The following ZNF521 variants were observed in gnomAD, a reference collection of about 807,000 sequenced individuals.
The protein encoded by ZNF521 is LYST-interacting protein 3.
In ZNF521, 14 loss-of-function variants were observed where a neutral mutation model predicts 105.5. The observed-to-expected ratio is 0.13, with a 90% CI of 0.09 to 0.21. The LOEUF is 0.21. Ranked by LOEUF, ZNF521 falls within the 10% of genes least tolerant of loss-of-function variation. ZNF521 has a pLI of 1.00. For missense variants in ZNF521, 1,233 were observed against 1,629.7 expected, an observed-to-expected ratio of 0.76 and a Z score of 4.19; for synonymous variants, 635 against 606.0, an observed-to-expected ratio of 1.05 and a Z score of -0.70.
chr18:25,142,162 TA>T (rs1458311389), intron 5 of ZNF521, among the ~76,000 whole-genome samples: 3 of 151,638 alleles, frequency 2.0e-5, no homozygotes, highest in African/African-American at 7.3e-5. Context: ...AGCAGTAGAG[TA>T]GTCACAGAAG....
chr18:25,068,683 T>C (rs1337507835), intron 7 of ZNF521, among the ~76,000 whole-genome samples: 3 of 152,122 alleles, frequency 2.0e-5, no homozygotes, highest in Non-Finnish European at 4.4e-5. Context: ...AAGCTTTCTT[T>C]AAATGTGTCT....
chr18:25,177,941 TC>T (rs770338316), intron 5 of ZNF521, among the ~76,000 whole-genome samples: 3 of 152,198 alleles, frequency 2.0e-5, no homozygotes, highest in East Asian at 1.9e-4. Context: ...ATGTTTCAAT[TC>T]CCTTTGCCTA....
chr18:25,091,682 T>C (rs138653947), intron 6 of ZNF521, among the ~76,000 whole-genome samples: 14 of 152,180 alleles, frequency 9.2e-5, no homozygotes, highest in Non-Finnish European at 1.8e-4. Flanking sequence ...ACACAACATG[T>C]ATGTAGTTTT....
chr18:25,129,743 C>A (rs1164423957), intron 5 of ZNF521, among the ~76,000 whole-genome samples: 1 of 151,978 alleles, frequency 6.6e-6, no homozygotes, highest in African/African-American at 2.4e-5. Context: ...AGATGCTCTG[C>A]ATCATGTGTC....
intron 7 of ZNF521, among the ~76,000 whole-genome samples, chr18:25,075,881 C>T (rs1438122289): frequency 1.3e-5 from 2 of 152,230 alleles, no homozygotes; most frequent in East Asian, 3.9e-4. Context: ...AAAATTACTT[C>T]AGGCTAGATT....
chr18:25,296,914 G>A (rs1227694265), intron 3 of ZNF521, among the ~76,000 whole-genome samples: 1 of 152,048 alleles, frequency 6.6e-6, no homozygotes, highest in Non-Finnish European at 1.5e-5. Context: ...GAAATAAATA[G>A]TGCCTGGTAC....
intron 5 of ZNF521, 79 bp downstream of exon 5, chr18:25,195,081 C>T (rs2035880621): frequency 9.1e-6 from 10 of 1,100,370 alleles, no homozygotes; most frequent in African/African-American, 1.6e-5. Context: ...ACAATTAATT[C>T]ATCTTTAACT....
At chr18:25,250,141 G>T (rs532834318) in intron 3 of ZNF521, among the ~76,000 whole-genome samples, 15 of 152,030 alleles carry the variant, frequency 9.9e-5, no homozygotes, top group Admixed American at 9.8e-4. Context: ...GGGTTTCATC[G>T]TATTAGCCAG....
chr18:25,087,311 A>T (rs573692674), intron 7 of ZNF521, among the ~76,000 whole-genome samples: 1 of 152,314 alleles, frequency 6.6e-6, no homozygotes, highest in Non-Finnish European at 1.5e-5. Flanking sequence ...TCATAAAGGA[A>T]ACCTGGAATC....
chr18:25,156,300 G>C (rs746066445), intron 5 of ZNF521, among the ~76,000 whole-genome samples: 6 of 152,184 alleles, frequency 3.9e-5, no homozygotes, highest in African/African-American at 1.4e-4. Context: ...GCCAAATTGA[G>C]AGTCCAGTTC....
intron 5 of ZNF521, among the ~76,000 whole-genome samples, chr18:25,164,515 A>C (rs1292668027): frequency 1.3e-5 from 2 of 152,246 alleles, no homozygotes; most frequent in Non-Finnish European, 2.9e-5. Context: ...TAGGAAGATC[A>C]AAGTAGTCCT....
chr18:25,284,772 A>C (rs1474919341), intron 3 of ZNF521, among the ~76,000 whole-genome samples: 3 of 152,208 alleles, frequency 2.0e-5, no homozygotes, highest in African/African-American at 2.4e-5. Flanking sequence ...TGGGAGTATA[A>C]AAAAAGAAAC....
At chr18:25,292,947 C>G (rs1057510680) in intron 3 of ZNF521, among the ~76,000 whole-genome samples, 2 of 152,198 alleles carry the variant, frequency 1.3e-5, no homozygotes, top group African/African-American at 4.8e-5. Context: ...TCTCCTCATA[C>G]TGTAGGAAGC....
intron 5 of ZNF521, among the ~76,000 whole-genome samples, chr18:25,129,354 T>C (rs932038089): frequency 1.3e-5 from 2 of 151,072 alleles, no homozygotes; most frequent in Non-Finnish European, 3.0e-5. Flanking sequence ...AGATGGATCA[T>C]AGACTAAATG....
intron 5 of ZNF521, among the ~76,000 whole-genome samples, chr18:25,156,230 AC>A (rs1443537969): frequency 6.6e-6 from 1 of 152,186 alleles, no homozygotes; most frequent in African/African-American, 2.4e-5. Context: ...TTAAATACAG[AC>A]AATTTTAAAA....
At chr18:25,177,796 G>A (rs2035559575) in intron 5 of ZNF521, among the ~76,000 whole-genome samples, 1 of 152,128 alleles carries the variant, frequency 6.6e-6, no homozygotes, top group South Asian at 2.1e-4. Flanking sequence ...CTTTCTACCA[G>A]CACCAATGAA....
intron 3 of ZNF521, among the ~76,000 whole-genome samples, chr18:25,229,966 A>C (rs935650929): frequency 6.6e-6 from 1 of 152,182 alleles, no homozygotes; most frequent in Non-Finnish European, 1.5e-5. Context: ...CCATTATAAA[A>C]ATTATGCAAT....
At chr18:25,341,124 T>A (rs935587731) in intron 2 of ZNF521, among the ~76,000 whole-genome samples, 1 of 152,192 alleles carries the variant, frequency 6.6e-6, no homozygotes, top group East Asian at 1.9e-4. Context: ...AATATCATTA[T>A]CCTTAAATTG....
chr18:25,192,782 T>C (rs1350847521), intron 5 of ZNF521, among the ~76,000 whole-genome samples: 1 of 151,912 alleles, frequency 6.6e-6, no homozygotes, highest in African/African-American at 2.4e-5. Flanking sequence ...GCCTGCATCA[T>C]TTGAAAGACT....
Sources: allele counts gnomAD v4.1 joint callset (sites outside exome capture counted in the v4.1 genomes callset), GRCh38; gene constraint gnomAD v4.1.1; transcripts MANE v1.5; gene names NCBI Gene and HGNC (gene_info 2026-07-23, HGNC 2026-07-21).